The following ROBO1 variants were observed in gnomAD, a reference collection of about 807,000 sequenced individuals.
The protein encoded by ROBO1 is roundabout homolog 1.
Under a neutral mutation model 195.9 loss-of-function variants are expected in ROBO1, and 149 were observed. That is an observed-to-expected ratio of 0.76 (90% CI 0.67 to 0.87). The LOEUF is 0.87. Among genes scored for constraint, ROBO1 ranks in the 40% least tolerant of loss-of-function variants. The probability of loss-of-function intolerance (pLI) is 0.00; values close to 1 mark genes in which losing one functional copy is unlikely to be tolerated. For synonymous variants in ROBO1, 816 were observed against 733.2 expected (o/e 1.11, Z -1.82); for missense variants, 1,933 against 2,068.3 (o/e 0.93, Z 1.27).
chr3:79,461,239 A>G (rs1429804364), intron 2 of ROBO1, among the ~76,000 whole-genome samples: 1 of 152,022 alleles, frequency 6.6e-6, no homozygotes, highest in Non-Finnish European at 1.5e-5. Context: ...GAAGGGGTCT[A>G]TTTCTGCCCT....
intron 1 of ROBO1, among the ~76,000 whole-genome samples, chr3:79,766,026 G>T (rs765503335): frequency 6.6e-6 from 1 of 152,072 alleles, no homozygotes. Flanking sequence ...GGGCGTGAAA[G>T]GGTGGGAGGT....
At chr3:79,646,384 G>A (rs1298731500) in intron 1 of ROBO1, among the ~76,000 whole-genome samples, 1 of 152,038 alleles carries the variant, frequency 6.6e-6, no homozygotes, top group Non-Finnish European at 1.5e-5. Flanking sequence ...GGTTAAAATG[G>A]CTTCTATGAA....
chr3:79,098,620 A>C (rs2079614858), intron 3 of ROBO1, among the ~76,000 whole-genome samples: 1 of 151,976 alleles, frequency 6.6e-6, no homozygotes, highest in South Asian at 2.1e-4. Flanking sequence ...TAGCATGACT[A>C]TATATAAGAA....
intron 3 of ROBO1, among the ~76,000 whole-genome samples, chr3:79,094,854 T>TCCTC (rs1559654464): frequency 1.3e-5 from 2 of 149,678 alleles, no homozygotes; most frequent in South Asian, 2.1e-4. Context: ...AAGTCTCTCT[T>TCCTC]CCTCCCTCCC....
intron 2 of ROBO1, among the ~76,000 whole-genome samples, chr3:79,500,278 C>T (rs180830060): frequency 6.8e-4 from 104 of 152,040 alleles, no homozygotes; most frequent in Admixed American, 2.0e-3. Context: ...TACAGGCATG[C>T]GCCACCACGC....
At chr3:79,360,933 C>T (rs2035744631) in intron 2 of ROBO1, among the ~76,000 whole-genome samples, 1 of 152,042 alleles carries the variant, frequency 6.6e-6, no homozygotes, top group African/African-American at 2.4e-5. Flanking sequence ...ATGCTCACCT[C>T]AATAGTTTTG....
chr3:78,906,166 C>T (rs1322983953), intron 4 of ROBO1, among the ~76,000 whole-genome samples: 1 of 152,044 alleles, frequency 6.6e-6, no homozygotes, highest in Non-Finnish European at 1.5e-5. Context: ...TTATTATGAA[C>T]AGACCAGCTG....
intron 5 of ROBO1, among the ~76,000 whole-genome samples, chr3:78,728,031 A>G (rs572491880): frequency 2.6e-4 from 40 of 152,278 alleles, no homozygotes; most frequent in African/African-American, 9.4e-4. Context: ...TAAACAATAA[A>G]CCTCAGCCAA....
chr3:79,463,401 A>AAC (rs1289311301), intron 2 of ROBO1, among the ~76,000 whole-genome samples: 14 of 150,658 alleles, frequency 9.3e-5, no homozygotes, highest in African/African-American at 3.5e-4. Context: ...ACAAAAAACA[A>AAC]AAAACAAAAA....
chr3:79,503,925 C>T (rs1007816328), intron 2 of ROBO1, among the ~76,000 whole-genome samples: 2 of 152,126 alleles, frequency 1.3e-5, no homozygotes, highest in South Asian at 2.1e-4. Context: ...TTCTTATTAT[C>T]TACATTTATC....
At chr3:79,116,160 A>G (rs1029341970) in intron 3 of ROBO1, among the ~76,000 whole-genome samples, 1 of 152,160 alleles carries the variant, frequency 6.6e-6, no homozygotes, top group Admixed American at 6.5e-5. Context: ...GATCCCCTGC[A>G]GATACCAAAA....
intron 2 of ROBO1, among the ~76,000 whole-genome samples, chr3:79,127,459 AT>A (rs1359414151): frequency 2.0e-5 from 3 of 152,230 alleles, no homozygotes; most frequent in Admixed American, 6.5e-5. Context: ...TTTATGAATT[AT>A]TTTTTAGTAA....
At chr3:79,152,862 T>C (rs570878776) in intron 2 of ROBO1, among the ~76,000 whole-genome samples, 1 of 151,746 alleles carries the variant, frequency 6.6e-6, no homozygotes. Flanking sequence ...AAGAAACAGC[T>C]ATCTGCATAT....
At chr3:79,042,923 C>G (rs2078515377) in intron 3 of ROBO1, among the ~76,000 whole-genome samples, 1 of 152,084 alleles carries the variant, frequency 6.6e-6, no homozygotes, top group Non-Finnish European at 1.5e-5. Context: ...TTTTCCCAAG[C>G]TCTTAATAAA....
chr3:79,099,765 G>A (rs2079641274), intron 3 of ROBO1, among the ~76,000 whole-genome samples: 1 of 151,746 alleles, frequency 6.6e-6, no homozygotes, highest in Non-Finnish European at 1.5e-5. Flanking sequence ...AGTATATATT[G>A]CCTTGTTTGT....
intron 3 of ROBO1, among the ~76,000 whole-genome samples, chr3:78,952,177 G>C (rs994820150): frequency 2.0e-5 from 3 of 151,244 alleles, no homozygotes; most frequent in Admixed American, 6.6e-5. Context: ...AATGATTAAA[G>C]TATCTGTCTC....
At chr3:79,235,750 T>C (rs1408393023) in intron 2 of ROBO1, among the ~76,000 whole-genome samples, 1 of 152,136 alleles carries the variant, frequency 6.6e-6, no homozygotes, top group Non-Finnish European at 1.5e-5. Flanking sequence ...ATTTATCTCT[T>C]GCAGACAAAT....
intron 3 of ROBO1, among the ~76,000 whole-genome samples, chr3:78,950,401 T>C (rs2040709573): frequency 6.6e-6 from 1 of 150,568 alleles, no homozygotes; most frequent in Non-Finnish European, 1.5e-5. Flanking sequence ...CTCCGCAAAC[T>C]ATAGCAAGGA....
chr3:78,629,319 ATATTCACT>A (rs1166032635), intron 25 of ROBO1, among the ~76,000 whole-genome samples: 1 of 151,910 alleles, frequency 6.6e-6, no homozygotes, highest in African/African-American at 2.4e-5. Flanking sequence ...AAAAAAACCT[ATATTCACT>A]TATTTCATTT....
Sources: gnomAD v4.1 joint callset for allele counts (sites outside exome capture counted in the v4.1 genomes callset) on GRCh38, gnomAD v4.1.1 for gene constraint, MANE v1.5 for transcripts, NCBI Gene and HGNC (gene_info 2026-07-23, HGNC 2026-07-21) for gene names.